POU6F2: variants seen among roughly 807,000 people sequenced by gnomAD.
POU6F2 encodes the protein POU domain, class 6, transcription factor 2.
Under a neutral mutation model 71.3 loss-of-function variants are expected in POU6F2, and 31 were observed. That is an observed-to-expected ratio of 0.43 (90% CI 0.33 to 0.59). POU6F2 has a LOEUF of 0.59. Ranked by LOEUF, POU6F2 falls within the 20% of genes least tolerant of loss-of-function variation. The pLI, the probability that POU6F2 is intolerant of heterozygous loss-of-function variation, is 0.04. For synonymous variants in POU6F2, 347 were observed against 355.7 expected, an observed-to-expected ratio of 0.98 and a Z score of 0.27; for missense variants, 783 against 856.8, an observed-to-expected ratio of 0.91 and a Z score of 1.07.
chr7:39,126,408 G>A (rs1792138679), intron 2 of POU6F2, among the ~76,000 whole-genome samples: 1 of 152,154 alleles, frequency 6.6e-6, no homozygotes, highest in Non-Finnish European at 1.5e-5. Flanking sequence ...GATGTGCCTT[G>A]GTTTGTTCTG....
intron 5 of POU6F2, among the ~76,000 whole-genome samples, chr7:39,396,073 A>G (rs1305467850): frequency 6.6e-6 from 1 of 152,218 alleles, no homozygotes; most frequent in African/African-American, 2.4e-5. Flanking sequence ...CAATAAAAAC[A>G]TAGATTTTTC....
chr7:39,309,759 A>T (rs1432609809), intron 4 of POU6F2, among the ~76,000 whole-genome samples: 1 of 152,228 alleles, frequency 6.6e-6, no homozygotes, highest in Non-Finnish European at 1.5e-5. Flanking sequence ...CATGACATAG[A>T]ATGTGACTTA....
chr7:38,987,828 A>G (rs1788499856), intron 1 of POU6F2, among the ~76,000 whole-genome samples: 2 of 152,120 alleles, frequency 1.3e-5, no homozygotes, highest in Admixed American at 6.6e-5. Context: ...TATTTGAATA[A>G]AAGATGGGAG....
chr7:39,455,430 T>A lies in POU6F2; in HGVS notation c.1489+3729T>A, dbSNP rs139966732. 3.1e-3 allele frequency among the ~76,000 whole-genome samples: 477 copies of A among 152,324 alleles called. 6 individuals are homozygous for A. The highest frequency in any genetic ancestry group is 0.01 in the African/African-American group (428 of 41,570). On this transcript the variant is annotated intron_variant, in intron 8 of 9. Coordinates refer to ENST00000518318, the MANE Select transcript of POU6F2 (RefSeq NM_001370959.1). The stretch of plus-strand genomic sequence containing the variant: ...AGGTCACCATATTGCAAAAATACTG[T>A]TCTCCCAAATTGCATTGCAAACTCC...
chr7:39,167,199 G>A (rs576678092), intron 2 of POU6F2, among the ~76,000 whole-genome samples: 61 of 152,032 alleles, frequency 4.0e-4, no homozygotes, highest in Middle Eastern at 3.4e-3. Context: ...ACACTCATAT[G>A]TATATGAATA....
intron 2 of POU6F2, among the ~76,000 whole-genome samples, chr7:39,104,585 T>C (rs966287463): frequency 2.0e-5 from 3 of 152,196 alleles, no homozygotes; most frequent in African/African-American, 7.2e-5. Context: ...ACATTGACTC[T>C]GGCTTTCATA....
At chr7:39,201,386 T>TA (rs1236710683) in intron 2 of POU6F2, among the ~76,000 whole-genome samples, 1 of 152,226 alleles carries the variant, frequency 6.6e-6, no homozygotes, top group East Asian at 1.9e-4. Flanking sequence ...AATTTAAAGA[T>TA]ATTTCAAAGG....
intron 4 of POU6F2, among the ~76,000 whole-genome samples, chr7:39,269,028 G>A (rs1301670108): frequency 1.3e-5 from 2 of 152,212 alleles, no homozygotes; most frequent in African/African-American, 4.8e-5. Flanking sequence ...AGCATTTACA[G>A]ATGGAAATAC....
Position 39,327,422 on chromosome 7 carries a change from T to C in POU6F2, c.599-12220T>C, listed in dbSNP as rs117860310. On this transcript the variant is annotated intron_variant, in intron 4 of 9. Coordinates refer to ENST00000518318, the MANE Select transcript of POU6F2 (RefSeq NM_001370959.1). ...TGTGAATTCGCCAGTTTCATCACAC[T>C]GGATAAGCTTGACATATGGATTAAC... Among the ~76,000 whole-genome samples, 293 of 152,266 alleles carry C rather than the reference T, an allele frequency of 1.9e-3. 3 individuals are homozygous for C. The highest frequency in any genetic ancestry group is 7.7e-4 in the East Asian group (4 of 5,184).
intron 1 of POU6F2, 112 bp from the exon 2 acceptor site, chr7:39,085,748 G>A: frequency 1.9e-6 from 2 of 1,068,908 alleles, no homozygotes; most frequent in South Asian, 1.5e-5. Context: ...GAGAGAGGGA[G>A]AGTGTGTGTG....
chr7:39,425,452 T>A (rs1030114820), intron 6 of POU6F2, among the ~76,000 whole-genome samples: 9 of 152,194 alleles, frequency 5.9e-5, no homozygotes, highest in African/African-American at 2.2e-4. Flanking sequence ...GACCTTTTTT[T>A]AGATATCATA....
At position 39,066,911 on chromosome 7, in the gene POU6F2, ATAT is replaced by A. The variant is rs893298149; in HGVS notation, c.106-18942_106-18940del. Among the ~76,000 whole-genome samples the A allele has an allele frequency of 2.2e-4, 33 of 147,928 alleles. No homozygotes were observed. The East Asian group carries it at 4.1e-3, about 18-fold the overall frequency. On this transcript the variant is annotated intron_variant, in intron 1 of 9. Transcript: ENST00000518318. The stretch of plus-strand genomic sequence containing the variant: ...AGTGTATTATATAATATATAATATC[ATAT>A]TATTATAACATATTAATATAACAGA...
chr7:39,460,659 G>A lies in POU6F2; in HGVS notation c.1602G>A (p.Val534=). 1 of 1,609,620 alleles carries A rather than the reference G, an allele frequency of 6.2e-7. No homozygotes were observed. The highest frequency in any genetic ancestry group is 8.5e-7 in the Non-Finnish European group (1 of 1,177,952). The change falls in exon 9 of 10, where the codon GTG becomes GTA. Residue 534 remains valine (V), a synonymous_variant. Coordinates refer to ENST00000518318, the MANE Select transcript of POU6F2 (RefSeq NM_001370959.1). The surrounding 1 kb of genome is among the most constrained non-coding windows in gnomAD (Gnocchi z 4.4). ...RLSLGLTQTQ[V]GQALSATEGP... is the part of the protein sequence containing the mutation. Reference sequence around the variant, plus strand: ...CCCTTGGCCTGACCCAGACTCAGGTGGGACAGGCTCTCAGTGCTACAGAGG... The same window carrying A: ...CCCTTGGCCTGACCCAGACTCAGGTAGGACAGGCTCTCAGTGCTACAGAGG...
chr7:39,082,227 CACCGTCT>C (rs1562698573), intron 1 of POU6F2, among the ~76,000 whole-genome samples: 1 of 152,108 alleles, frequency 6.6e-6, no homozygotes, highest in African/African-American at 2.4e-5. Flanking sequence ...CTCCTTTTTC[CACCGTCT>C]GGTTCTTGGG....
chr7:39,192,913 A>G (rs1173864324), intron 2 of POU6F2, among the ~76,000 whole-genome samples: 1 of 152,200 alleles, frequency 6.6e-6, no homozygotes, highest in Non-Finnish European at 1.5e-5. Flanking sequence ...GGAGTGAAGG[A>G]GAAAAGGATG....
chr7:39,408,002 T>C (rs1787475818), intron 6 of POU6F2, among the ~76,000 whole-genome samples: 1 of 152,244 alleles, frequency 6.6e-6, no homozygotes. Context: ...TTAACCCTTG[T>C]TCCAATCCCT....
chr7:39,251,626 G>T (rs186174508), intron 4 of POU6F2, among the ~76,000 whole-genome samples: 10 of 152,256 alleles, frequency 6.6e-5, no homozygotes, highest in South Asian at 2.1e-4. Flanking sequence ...TAAGTAGAAA[G>T]AAATAAAAAT....
chr7:39,209,974 A>G (rs1389913223), intron 4 of POU6F2, among the ~76,000 whole-genome samples: 2 of 152,234 alleles, frequency 1.3e-5, no homozygotes, highest in East Asian at 1.9e-4. Flanking sequence ...ATGGACTATC[A>G]GTACCTTAGA....
chr7:39,427,525 T>G (rs1787999044), intron 6 of POU6F2, among the ~76,000 whole-genome samples: 1 of 152,214 alleles, frequency 6.6e-6, no homozygotes, highest in Non-Finnish European at 1.5e-5. Context: ...AGTGCCATTT[T>G]AAGGATCCTG....
Sources: gnomAD v4.1 joint callset for allele counts (sites outside exome capture counted in the v4.1 genomes callset) on GRCh38, gnomAD v4.1.1 for gene constraint, Gnocchi (gnomAD v3.1) non-coding constraint, MANE v1.5 for transcripts, NCBI Gene and HGNC (gene_info 2026-07-23, HGNC 2026-07-21) for gene names.